Variants in TRAPPC9 observed in about 807,000 individuals in gnomAD.
TRAPPC9 encodes trafficking protein particle complex subunit 9.
TRAPPC9 carries 83 observed loss-of-function variants against 124.0 expected under a neutral mutation model. That is an observed-to-expected ratio of 0.67 (90% CI 0.56 to 0.80). The LOEUF (loss-of-function observed/expected upper bound fraction) is 0.80, where lower values mean the gene tolerates loss of function less well. TRAPPC9 is among the 30% of genes least tolerant of loss of function. The probability of loss-of-function intolerance (pLI) is 0.00; values close to 1 mark genes in which losing one functional copy is unlikely to be tolerated. For missense variants in TRAPPC9, 1,302 were observed against 1,508.3 expected, an observed-to-expected ratio of 0.86 and a Z score of 2.27; for synonymous variants, 638 against 617.5, an observed-to-expected ratio of 1.03 and a Z score of -0.49.
At chr8:140,313,401 C>T (rs1026839116) in intron 9 of TRAPPC9, among the ~76,000 whole-genome samples, 3 of 152,220 alleles carry the variant, frequency 2.0e-5, no homozygotes, top group Non-Finnish European at 4.4e-5. Flanking sequence ...CAGTGTATCA[C>T]TCGGCTAAGC....
rs1474875740 is a variant in TRAPPC9 at position 139,730,593 on chromosome 8, T to A, written c.*468A>T. On this transcript the variant is annotated 3_prime_UTR_variant, in exon 23 of 23. Coordinates refer to ENST00000438773, the MANE Select transcript of TRAPPC9 (RefSeq NM_001160372.4). ...CAGGAAGAAAACCAGCCTTGGGGGATTCCAAGGCCCAGGGAGGGTGGGAAG... is the reference window on the plus strand; with the variant it reads ...CAGGAAGAAAACCAGCCTTGGGGGAATCCAAGGCCCAGGGAGGGTGGGAAG... The A allele has an allele frequency of 5.9e-6, 1 of 170,302 alleles. No individual in the cohort carries two copies. Among genetic ancestry groups the A allele is most frequent in the East Asian group, 1.6e-4 (1 of 6,244 alleles). The allele number at this position is 170,302 out of a possible 1,614,324, so 10.5% of individuals were successfully genotyped here. A position where few individuals can be genotyped will look rare whatever the true frequency, so the allele number is the denominator to read the frequency against.
chr8:140,033,657 G>C (rs534447500), intron 17 of TRAPPC9, among the ~76,000 whole-genome samples: 1 of 49,264 alleles, frequency 2.0e-5, no homozygotes, highest in East Asian at 9.5e-4. Context: ...TTCATAATGT[G>C]GTTTTTTTTT....
chr8:140,426,812 T>C (rs983596345), intron 4 of TRAPPC9, among the ~76,000 whole-genome samples, 171 bp from the exon 5 acceptor site: 5 of 152,186 alleles, frequency 3.3e-5, no homozygotes, highest in Non-Finnish European at 5.9e-5. Context: ...GCCTTTTTGC[T>C]TCAGACAGGA....
At chr8:140,407,555 C>T (rs897946464) in intron 5 of TRAPPC9, among the ~76,000 whole-genome samples, 24 of 152,150 alleles carry the variant, frequency 1.6e-4, no homozygotes, top group African/African-American at 5.5e-4. Context: ...CTCCCTCCAC[C>T]TTTTAAAGAA....
intron 19 of TRAPPC9, among the ~76,000 whole-genome samples, chr8:139,981,267 C>T (rs1254600925): frequency 1.3e-5 from 2 of 152,216 alleles, no homozygotes; most frequent in Non-Finnish European, 2.9e-5. Context: ...CTCTATCAGG[C>T]CTCTGCCACG....
At chr8:140,331,027 A>C (rs1386037086) in intron 9 of TRAPPC9, among the ~76,000 whole-genome samples, 1 of 152,204 alleles carries the variant, frequency 6.6e-6, no homozygotes, top group Non-Finnish European at 1.5e-5. Flanking sequence ...CCTGAGCAAA[A>C]AATAACAAAG....
intron 20 of TRAPPC9, among the ~76,000 whole-genome samples, chr8:139,901,629 C>T (rs973178324): frequency 2.0e-5 from 3 of 152,230 alleles, no homozygotes; most frequent in Non-Finnish European, 2.9e-5. Context: ...CTGCATGGGG[C>T]GATGGGTACC....
Position 140,288,413 on chromosome 8 carries a change from T to G in TRAPPC9, c.1855-679A>C, listed in dbSNP as rs572027974. On this transcript the variant is annotated intron_variant, in intron 12 of 22. Coordinates refer to ENST00000438773, the MANE Select transcript of TRAPPC9 (RefSeq NM_001160372.4). ...ACACATCTGTGAGTTATCAACTTAT[T>G]TCGGTATGTACTAAGCTTACTAGTA... Among the ~76,000 whole-genome samples, 39 of 152,308 alleles carry G rather than the reference T, an allele frequency of 2.6e-4. 1 individual carries two copies. The South Asian group carries it at 7.9e-3, about 31-fold the overall frequency.
At chr8:140,137,462 T>C (rs180726232) in intron 17 of TRAPPC9, among the ~76,000 whole-genome samples, 2 of 152,008 alleles carry the variant, frequency 1.3e-5, no homozygotes, top group East Asian at 3.9e-4. Context: ...GAGCGGGTAG[T>C]GAGCTTTCCA....
In TRAPPC9 at chr8:140,358,799, C is replaced by G. The variant is rs113585758; in HGVS notation, c.1495+1251G>C. Among the ~76,000 whole-genome samples the G allele has an allele frequency of 6.9e-3, 1,058 of 152,266 alleles. 4 individuals carry two copies. The highest frequency in any genetic ancestry group is 0.013 in the Non-Finnish European group (868 of 68,018). On this transcript the variant is annotated intron_variant, in intron 9 of 22. Transcript: ENST00000438773. ...AGACGGCCTGCAGGGAGGAGAGGCC[C>G]GTTCCCCAGGGGAGAGTGCTGCCTC...
chr8:140,295,359 G>A (rs1241776931), intron 11 of TRAPPC9, among the ~76,000 whole-genome samples: 5 of 152,224 alleles, frequency 3.3e-5, no homozygotes, highest in Admixed American at 3.3e-4. Flanking sequence ...CATGACTGCA[G>A]ACCACAGAGG....
At chr8:140,053,821 T>C (rs953962320) in intron 17 of TRAPPC9, among the ~76,000 whole-genome samples, 1 of 152,246 alleles carries the variant, frequency 6.6e-6, no homozygotes, top group Non-Finnish European at 1.5e-5. Context: ...CTTTGTCTTA[T>C]GGCAGTGTTT....
At chr8:139,866,154 T>C (rs933969225) in intron 21 of TRAPPC9, among the ~76,000 whole-genome samples, 2 of 152,252 alleles carry the variant, frequency 1.3e-5, no homozygotes, top group Non-Finnish European at 2.9e-5. Context: ...ATCATGCTGA[T>C]GAAGCTTTTA....
chr8:140,151,340 C>T (rs2061540284), intron 17 of TRAPPC9, among the ~76,000 whole-genome samples: 1 of 152,182 alleles, frequency 6.6e-6, no homozygotes, highest in African/African-American at 2.4e-5. Flanking sequence ...GGACATCCTT[C>T]CTCCCGCTCT....
rs184600156 is a variant in TRAPPC9, at chr8:139,850,373, G to C, written c.3055+35506C>G. Among the ~76,000 whole-genome samples the C allele has an allele frequency of 1.7e-3, 263 of 152,342 alleles. 2 individuals carry two copies. Among genetic ancestry groups the C allele is most frequent in the African/African-American group, 5.0e-3 (208 of 41,580 alleles). ...GGGCTCCTGACTCGCAGAGTTCAGTGTTCTTTCCAGATAGCCCAAAGCACC... is the reference window on the plus strand; with the variant it reads ...GGGCTCCTGACTCGCAGAGTTCAGTCTTCTTTCCAGATAGCCCAAAGCACC... On this transcript the variant is annotated intron_variant, in intron 21 of 22. Coordinates refer to ENST00000438773, the MANE Select transcript of TRAPPC9 (RefSeq NM_001160372.4).
At chr8:140,053,032 AG>A in intron 17 of TRAPPC9, among the ~76,000 whole-genome samples, 1 of 152,312 alleles carries the variant, frequency 6.6e-6, no homozygotes, top group Middle Eastern at 3.4e-3. Context: ...TACTAAGTAA[AG>A]GGGAGGAAAA....
intron 21 of TRAPPC9, among the ~76,000 whole-genome samples, chr8:139,799,626 C>A (rs1052417650): frequency 5.9e-5 from 9 of 152,200 alleles, no homozygotes; most frequent in Admixed American, 1.3e-4. Context: ...TCCACATCAC[C>A]CCCCATGAAA....
intron 17 of TRAPPC9, among the ~76,000 whole-genome samples, chr8:140,143,515 A>G (rs2061412050): frequency 6.6e-6 from 1 of 152,236 alleles, no homozygotes; most frequent in African/African-American, 2.4e-5. Context: ...TTTTGCTCAT[A>G]ATGTCCTTCT....
At chr8:140,343,407 A>T (rs1475721167) in intron 9 of TRAPPC9, among the ~76,000 whole-genome samples, 1 of 152,248 alleles carries the variant, frequency 6.6e-6, no homozygotes. Context: ...CTTTTCAAAC[A>T]TATAAGTTTA....
Sources: gnomAD v4.1 joint callset for allele counts (sites outside exome capture counted in the v4.1 genomes callset) on GRCh38, gnomAD v4.1.1 for gene constraint, MANE v1.5 for transcripts, NCBI Gene and HGNC (gene_info 2026-07-23, HGNC 2026-07-21) for gene names.